JARID2: variants seen among roughly 807,000 people sequenced by gnomAD.
JARID2 encodes the protein protein Jumonji.
A neutral mutation model predicts 125.6 loss-of-function variants in JARID2; 21 were observed. The ratio of observed to expected loss-of-function variants is 0.17; its 90% CI spans 0.12 to 0.24. The LOEUF is 0.24. Ranked by LOEUF, JARID2 falls within the 10% of genes least tolerant of loss-of-function variation. The pLI is 1.00. For synonymous variants in JARID2, 736 were observed against 661.6 expected (o/e 1.11, Z -1.73); for missense variants, 1,303 against 1,639.6 (o/e 0.79, Z 3.55).
chr6:15,447,727 G>A (rs1161188249), intron 3 of JARID2, among the ~76,000 whole-genome samples: 1 of 152,208 alleles, frequency 6.6e-6, no homozygotes, highest in African/African-American at 2.4e-5. Context: ...TAAATGGTGT[G>A]GTGGGCGGGT....
rs140270073 is a variant in JARID2 at position 15,520,182 on chromosome 6, G to C, written c.3672G>C (p.Ala1224=). ...PTPKRGPRKR[A]TVDVPPSRLS... Reference sequence around the variant, plus strand: ...CAAAAAGAGGTCCCCGCAAGAGAGCGACAGTGGACGTGCCCCCCTCCCGTC... The same window carrying C: ...CAAAAAGAGGTCCCCGCAAGAGAGCCACAGTGGACGTGCCCCCCTCCCGTC... The change falls in exon 18 of 18, where the codon GCG becomes GCC. Residue 1224 remains alanine (A), a synonymous_variant. Transcript: ENST00000341776. 354 of 1,613,884 alleles carry C rather than the reference G, an allele frequency of 2.2e-4. No individual in the cohort carries two copies. The African/African-American group carries it at 4.3e-3, about 20-fold the overall frequency.
intron 12 of JARID2, 117 bp from the exon 13 acceptor site, chr6:15,511,179 G>A (rs144741030): frequency 1.2e-5 from 9 of 722,000 alleles, no homozygotes; most frequent in Admixed American, 3.9e-5. Context: ...CATCCCTGCC[G>A]GCGTGGAGCA....
intron 1 of JARID2, among the ~76,000 whole-genome samples, chr6:15,260,040 TA>T (rs1160167354): frequency 2.6e-5 from 4 of 152,224 alleles, no homozygotes; most frequent in Non-Finnish European, 5.9e-5. Context: ...AAGTTTTGCT[TA>T]ATAGTATTGG....
intron 4 of JARID2, among the ~76,000 whole-genome samples, chr6:15,467,769 C>T (rs534578932): frequency 1.7e-4 from 26 of 152,126 alleles, no homozygotes; most frequent in Middle Eastern, 3.4e-3. Context: ...GCTGTGATCG[C>T]GCCACTGCAC....
At chr6:15,281,760 T>A (rs1484463930) in intron 1 of JARID2, among the ~76,000 whole-genome samples, 1 of 152,244 alleles carries the variant, frequency 6.6e-6, no homozygotes, top group Non-Finnish European at 1.5e-5. Context: ...TTCTGATGAC[T>A]TTCTTCCTAG....
chr6:15,251,641 T>G (rs1000230820), intron 1 of JARID2, among the ~76,000 whole-genome samples: 1 of 152,208 alleles, frequency 6.6e-6, no homozygotes, highest in East Asian at 1.9e-4. Context: ...GTTATTCCAG[T>G]TGGGCTTATT....
At chr6:15,410,891 T>C (rs1259731464) in intron 3 of JARID2, among the ~76,000 whole-genome samples, 1 of 152,242 alleles carries the variant, frequency 6.6e-6, no homozygotes, top group Non-Finnish European at 1.5e-5. Context: ...GTTATTTTTA[T>C]GTGGCTTTCC....
rs182312893 is a variant in JARID2 at position 15,366,875 on chromosome 6, G to A, written c.46-7242G>A. ...TGAATTCCAACTTTAGAACAGATGT[G>A]TGTCACACTTACAATCCTGCTATGT... On this transcript the variant is annotated intron_variant, in intron 1 of 17. Coordinates refer to ENST00000341776, the MANE Select transcript of JARID2 (RefSeq NM_004973.4). Among the ~76,000 whole-genome samples the A allele has an allele frequency of 7.2e-5, 11 of 152,160 alleles. 1 individual carries two copies. In the East Asian group the frequency reaches 2.1e-3, roughly 29 times the overall value.
At chr6:15,398,273 T>G (rs1292951215) in intron 2 of JARID2, among the ~76,000 whole-genome samples, 1 of 152,236 alleles carries the variant, frequency 6.6e-6, no homozygotes, top group Non-Finnish European at 1.5e-5. Context: ...GGTTTAAGAT[T>G]TATGACTTGC....
At chr6:15,386,230 C>A (rs1386779173) in intron 2 of JARID2, among the ~76,000 whole-genome samples, 1 of 151,464 alleles carries the variant, frequency 6.6e-6, no homozygotes, top group Non-Finnish European at 1.5e-5. Context: ...GCTATCTCTC[C>A]CTCTCCCCCA....
intron 16 of JARID2, among the ~76,000 whole-genome samples, 170 bp downstream of exon 16, chr6:15,513,592 G>C (rs1463589724): frequency 6.6e-6 from 1 of 152,246 alleles, no homozygotes; most frequent in Non-Finnish European, 1.5e-5. Context: ...GGAGGTGGCT[G>C]CCTCACCCAC....
chr6:15,373,915 A>T (rs1764258800), intron 1 of JARID2, among the ~76,000 whole-genome samples: 2 of 152,178 alleles, frequency 1.3e-5, no homozygotes, highest in Admixed American at 1.3e-4. Context: ...TCTTTTTAAC[A>T]GCCTGTGGAT....
chr6:15,506,823 A>G (rs1373200136), intron 9 of JARID2, among the ~76,000 whole-genome samples: 1 of 152,192 alleles, frequency 6.6e-6, no homozygotes, highest in African/African-American at 2.4e-5. Context: ...GTAATAGGCC[A>G]TGGTATGGAC....
chr6:15,257,949 C>G (rs1245639785), intron 1 of JARID2, among the ~76,000 whole-genome samples: 1 of 152,104 alleles, frequency 6.6e-6, no homozygotes, highest in Admixed American at 6.6e-5. Flanking sequence ...CAGAACAGCT[C>G]CAGAAGGGAA....
intron 1 of JARID2, among the ~76,000 whole-genome samples, chr6:15,300,745 G>C (rs1037991799): frequency 2.7e-5 from 4 of 150,202 alleles, no homozygotes; most frequent in Middle Eastern, 3.4e-3. Context: ...GAGAGAGAGA[G>C]AGAGACAGAG....
chr6:15,451,779 C>A (rs916166918), intron 3 of JARID2, among the ~76,000 whole-genome samples: 1 of 152,136 alleles, frequency 6.6e-6, no homozygotes, highest in African/African-American at 2.4e-5. Context: ...GTCCATGACA[C>A]ACATTTTATA....
At chr6:15,412,821 A>C (rs1182691283) in intron 3 of JARID2, among the ~76,000 whole-genome samples, 2 of 152,024 alleles carry the variant, frequency 1.3e-5, no homozygotes, top group Non-Finnish European at 2.9e-5. Context: ...CAACGCACAT[A>C]CAGAATGCCT....
At chr6:15,307,016 C>G (rs1336989685) in intron 1 of JARID2, among the ~76,000 whole-genome samples, 1 of 150,650 alleles carries the variant, frequency 6.6e-6, no homozygotes, top group Non-Finnish European at 1.5e-5. Flanking sequence ...CCGAGGTAGG[C>G]GGATCACAAG....
Position 15,520,856 on chromosome 6 carries a change from A to G in JARID2, c.*605A>G, listed in dbSNP as rs1342931032. ...TTGTTTCCTAACCATAGGTGGAACG[A>G]GGAGACGGGAGCGAGTGGGCTCTCC... On this transcript the variant is annotated 3_prime_UTR_variant, in exon 18 of 18. Transcript: ENST00000341776. 8.8e-6 allele frequency: 4 copies of G among 455,794 alleles called. No homozygotes were observed. The East Asian group carries it at 2.8e-4, about 32-fold the overall frequency. 28.2% of individuals were successfully genotyped at this position (455,794 alleles called of 1,614,324 possible).
Sources: gnomAD v4.1 joint callset for allele counts (sites outside exome capture counted in the v4.1 genomes callset) on GRCh38, gnomAD v4.1.1 for gene constraint, MANE v1.5 for transcripts, NCBI Gene and HGNC (gene_info 2026-07-23, HGNC 2026-07-21) for gene names.